The following VANGL1 variants were observed in gnomAD, a reference collection of about 807,000 sequenced individuals.
VANGL1 encodes the protein VANGL planar cell polarity protein 1.
Under a neutral mutation model 48.4 loss-of-function variants are expected in VANGL1, and 18 were observed. That is an observed-to-expected ratio of 0.37 (90% CI 0.26 to 0.55). VANGL1 has a LOEUF of 0.55. Ranked by LOEUF, VANGL1 falls within the 20% of genes least tolerant of loss-of-function variation. VANGL1 has a pLI of 0.81. For synonymous variants in VANGL1, 257 were observed against 261.8 expected, an observed-to-expected ratio of 0.98 and a Z score of 0.18; for missense variants, 667 against 675.8, an observed-to-expected ratio of 0.99 and a Z score of 0.14.
At chr1:115,669,127 G>C (rs988384622) in intron 4 of VANGL1, among the ~76,000 whole-genome samples, 1 of 152,110 alleles carries the variant, frequency 6.6e-6, no homozygotes, top group Admixed American at 6.6e-5. Context: ...ATTTTGAGGG[G>C]AAAAAGTGCT....
rs757177169 is a variant in VANGL1 at position 115,664,023 on chromosome 1, G to A, written c.567G>A (p.Leu189=). 1 of 1,614,170 alleles carries A rather than the reference G, an allele frequency of 6.2e-7. No individual in the cohort carries two copies. The highest frequency in any genetic ancestry group is 1.1e-5 in the South Asian group (1 of 91,076). ...MPRVFVFRAL[L]LVLIFLFVVS... ...GGGTGTTTGTGTTTCGTGCCCTTTT[G>A]TTGGTCCTCATCTTTCTCTTTGTGG... Residue 189 remains leucine, a synonymous_variant, in exon 4 of 8, where the codon TTG becomes TTA. Transcript: ENST00000355485.
intron 4 of VANGL1, among the ~76,000 whole-genome samples, chr1:115,665,396 G>A (rs1429121608): frequency 6.6e-6 from 1 of 152,222 alleles, no homozygotes. Context: ...TTAGTTCATT[G>A]CAGCTATTAC....
chr1:115,651,174 G>T lies in VANGL1; in HGVS notation c.-137-103G>T, dbSNP rs1277816743. On this transcript the variant is annotated intron_variant, in intron 1 of 7. Coordinates refer to ENST00000355485, the MANE Select transcript of VANGL1 (RefSeq NM_138959.3). ...CTTCACCCTCACTCGCTTGTTCCATGATAGAGACCCCAGAGAGGAGGTGTG... is the reference window on the plus strand; with the variant it reads ...CTTCACCCTCACTCGCTTGTTCCATTATAGAGACCCCAGAGAGGAGGTGTG... 1.1e-5 allele frequency: 6 copies of T among 527,216 alleles called. No homozygotes were observed. The African/African-American group carries it at 1.2e-4, about 10-fold the overall frequency. The allele number at this position is 527,216 out of a possible 1,614,324, so 32.7% of individuals were successfully genotyped here.
chr1:115,678,832 G>A lies in VANGL1; in HGVS notation c.813-3532G>A, dbSNP rs146069158. Among the ~76,000 whole-genome samples the A allele has an allele frequency of 1.1e-4, 17 of 152,064 alleles. No homozygotes were observed. In the East Asian group the frequency reaches 1.9e-3, roughly 17 times the overall value. The stretch of plus-strand genomic sequence containing the variant: ...TTAGCTGGGCGTGGTGGCACGTGCT[G>A]TAGTCCCAGCTATTTGGGAGCCTGA... On this transcript the variant is annotated intron_variant, in intron 4 of 7. Coordinates refer to ENST00000355485, the MANE Select transcript of VANGL1 (RefSeq NM_138959.3).
intron 2 of VANGL1, among the ~76,000 whole-genome samples, chr1:115,659,188 T>C (rs1200057114): frequency 3.9e-5 from 6 of 152,118 alleles, no homozygotes; most frequent in African/African-American, 1.2e-4. Context: ...CAGATTTTTT[T>C]GGATATTCTA....
At chr1:115,666,884 C>A (rs1317463565) in intron 4 of VANGL1, among the ~76,000 whole-genome samples, 2 of 152,186 alleles carry the variant, frequency 1.3e-5, no homozygotes, top group Non-Finnish European at 2.9e-5. Context: ...GCAGGCTTGG[C>A]ACCTTTCCTC....
chr1:115,691,489 A>G lies in VANGL1; in HGVS notation c.*110A>G. ...AAAATTCTTCTTCATTGCTGACTGA[A>G]ACTGGCAGATGATTGACCAGTATCC... On this transcript the variant is annotated 3_prime_UTR_variant, in exon 8 of 8. Transcript: ENST00000355485. The G allele has an allele frequency of 8.1e-7, 1 of 1,231,654 alleles. No homozygotes were observed. The highest frequency in any genetic ancestry group is 1.1e-6 in the Non-Finnish European group (1 of 904,354). 76.3% of individuals were successfully genotyped at this position (1,231,654 alleles called of 1,614,324 possible).
In VANGL1 at chr1:115,696,355, A is replaced by G. The variant is rs1654028450; in HGVS notation, c.*4976A>G. On this transcript the variant is annotated 3_prime_UTR_variant, in exon 8 of 8. Coordinates refer to ENST00000355485, the MANE Select transcript of VANGL1 (RefSeq NM_138959.3). ...CTCCTTGACGTAGGTGTTCTCAGCA[A>G]GCAGTTTGCATCCCACCGTCTTTCT... The G allele has an allele frequency of 6.6e-6, 1 of 152,270 alleles. No homozygotes were observed. The highest frequency in any genetic ancestry group is 2.4e-5 in the African/African-American group (1 of 41,468). 9.4% of individuals were successfully genotyped at this position (152,270 alleles called of 1,614,324 possible). A position where few individuals can be genotyped will look rare whatever the true frequency, so the allele number is the denominator to read the frequency against.
At position 115,664,222 on chromosome 1, in the gene VANGL1, C is replaced by T. The variant is rs199932833; in HGVS notation, c.766C>T (p.Arg256Cys). ...GCCCATGTTCACGCTGCAGGTGGTC[C>T]GCTCCACCGATGGCGAGTCCCGCTT... ...LQPMFTLQVV[R>C]STDGESRFYS... Residue 256 changes from arginine (R) to cysteine (C), a missense_variant, in exon 4 of 8, where the codon CGC becomes TGC. Physicochemically the swap from Arg to Cys is radical, Grantham distance 180 (BLOSUM62 -3). Coordinates refer to ENST00000355485, the MANE Select transcript of VANGL1 (RefSeq NM_138959.3). The T allele has an allele frequency of 1.5e-5, 24 of 1,613,914 alleles. No individual in the cohort carries two copies. The highest frequency in any genetic ancestry group is 5.5e-5 in the South Asian group (5 of 91,066).
Position 115,692,862 on chromosome 1 carries a change from C to G in VANGL1, c.*1483C>G, listed in dbSNP as rs886045127. On this transcript the variant is annotated 3_prime_UTR_variant, in exon 8 of 8. Coordinates refer to ENST00000355485, the MANE Select transcript of VANGL1 (RefSeq NM_138959.3). ...TAAAAGTGTTCACTCTTGCTTTTTC[C>G]AGTATTTCGGTAATCAGCCATCTTG... 6.6e-6 allele frequency: 1 copy of G among 152,236 alleles called. No homozygotes were observed. The highest frequency in any genetic ancestry group is 1.5e-5 in the Non-Finnish European group (1 of 68,068). 9.4% of individuals were successfully genotyped at this position (152,236 alleles called of 1,614,324 possible).
rs1055303773 is a variant in VANGL1 at position 115,695,425 on chromosome 1, C to A, written c.*4046C>A. 3.3e-5 allele frequency: 5 copies of A among 152,560 alleles called. No individual in the cohort carries two copies. Among genetic ancestry groups the A allele is most frequent in the East Asian group, 1.9e-4 (1 of 5,198 alleles). The allele number at this position is 152,560 out of a possible 1,614,324, so 9.5% of individuals were successfully genotyped here. Reference sequence around the variant, plus strand: ...CTACTGTGAATTTACTACTATGTAACCTTGTGGTCGTATTTCATTATAAAT... The same window carrying A: ...CTACTGTGAATTTACTACTATGTAAACTTGTGGTCGTATTTCATTATAAAT... On this transcript the variant is annotated 3_prime_UTR_variant, in exon 8 of 8. Transcript: ENST00000355485.
intron 4 of VANGL1, among the ~76,000 whole-genome samples, chr1:115,670,474 A>G (rs764921365): frequency 1.3e-5 from 2 of 152,190 alleles, no homozygotes; most frequent in Non-Finnish European, 2.9e-5. Flanking sequence ...TTAAGTGACA[A>G]AGGGAGAGTC....
In VANGL1 at chr1:115,694,539, G is replaced by C. The variant is rs1397325633; in HGVS notation, c.*3160G>C. 6.6e-6 allele frequency: 1 copy of C among 152,152 alleles called. No individual in the cohort carries two copies. The highest frequency in any genetic ancestry group is 2.1e-4 in the South Asian group (1 of 4,826). The allele number at this position is 152,152 out of a possible 1,614,324, so 9.4% of individuals were successfully genotyped here. A position where few individuals can be genotyped will look rare whatever the true frequency, so the allele number is the denominator to read the frequency against. On this transcript the variant is annotated 3_prime_UTR_variant, in exon 8 of 8. Coordinates refer to ENST00000355485, the MANE Select transcript of VANGL1 (RefSeq NM_138959.3). ...CATTTTGCCTCATAATCACTTTCGA[G>C]TGCATGTATTTACCTAAGGGCTGTA...
At position 115,659,903 on chromosome 1, in the gene VANGL1, C is replaced by T. The variant is rs1652483667; in HGVS notation, c.204+130C>T. 8 of 1,292,850 alleles carry T rather than the reference C, an allele frequency of 6.2e-6. No homozygotes were observed. In the Admixed American group the frequency reaches 9.5e-5, roughly 15 times the overall value. 80.1% of individuals were successfully genotyped at this position (1,292,850 alleles called of 1,614,324 possible). ...CATGCTAATTAGTTTATCTATGTCCCATGGTCTCTTGTTGGTCTAAGGACA... is the reference window on the plus strand; with the variant it reads ...CATGCTAATTAGTTTATCTATGTCCTATGGTCTCTTGTTGGTCTAAGGACA... On this transcript the variant is annotated intron_variant, in intron 3 of 7. Transcript: ENST00000355485.
intron 1 of VANGL1, among the ~76,000 whole-genome samples, chr1:115,645,195 G>GGCCT (rs142144059): frequency 0.044 from 6,749 of 152,200 alleles, 479 homozygotes; most frequent in African/African-American, 0.15. Context: ...GGTAAATAGA[G>GGCCT]GCCTGTAAGA....
intron 1 of VANGL1, among the ~76,000 whole-genome samples, 176 bp downstream of exon 1, chr1:115,642,262 T>G (rs1330073514): frequency 2.0e-5 from 3 of 151,516 alleles, no homozygotes; most frequent in African/African-American, 7.3e-5. Context: ...CTCCCTCCCC[T>G]CCTCCGGAGC....
At position 115,663,695 on chromosome 1, in the gene VANGL1, C is replaced by T. The variant is rs1250868138; in HGVS notation, c.239C>T (p.Thr80Ile). The change falls in exon 4 of 8, where the codon ACA becomes ATA. Residue 80 changes from threonine to isoleucine, a missense_variant. Thr to Ile is a moderately conservative substitution (Grantham distance 89, BLOSUM62 -1). Coordinates refer to ENST00000355485, the MANE Select transcript of VANGL1 (RefSeq NM_138959.3). Reference sequence around the variant, plus strand: ...TGGGGAGAGACCACCACGGCCATCACAGGCACCTCGGAGCACAGCATATCC... The same window carrying T: ...TGGGGAGAGACCACCACGGCCATCATAGGCACCTCGGAGCACAGCATATCC... ...DNWGETTTAITGTSEHSISQE... is the reference protein window; with the variant it reads ...DNWGETTTAIIGTSEHSISQE... The T allele has an allele frequency of 1.9e-6, 3 of 1,614,104 alleles. No homozygotes were observed. The highest frequency in any genetic ancestry group is 2.5e-6 in the Non-Finnish European group (3 of 1,180,050).
At position 115,693,456 on chromosome 1, in the gene VANGL1, T is replaced by C. The variant is rs1227753152; in HGVS notation, c.*2077T>C. 1 of 152,656 alleles carries C rather than the reference T, an allele frequency of 6.6e-6. No individual in the cohort carries two copies. The highest frequency in any genetic ancestry group is 1.5e-5 in the Non-Finnish European group (1 of 68,036). 9.5% of individuals were successfully genotyped at this position (152,656 alleles called of 1,614,324 possible). ...CTTCAATGACCAGTCCAGAAGGGGT[T>C]AAGCTGGATTCATTTGCTCTGGCAT... On this transcript the variant is annotated 3_prime_UTR_variant, in exon 8 of 8. Coordinates refer to ENST00000355485, the MANE Select transcript of VANGL1 (RefSeq NM_138959.3).
At chr1:115,654,351 G>A (rs940218693) in intron 2 of VANGL1, among the ~76,000 whole-genome samples, 3 of 151,808 alleles carry the variant, frequency 2.0e-5, no homozygotes, top group Admixed American at 6.6e-5. Context: ...AGAGGTCAGT[G>A]GCCTGGTTTT....
Sources: gnomAD v4.1 joint callset for allele counts (sites outside exome capture counted in the v4.1 genomes callset) on GRCh38, gnomAD v4.1.1 for gene constraint, MANE v1.5 for transcripts, NCBI Gene and HGNC (gene_info 2026-07-23, HGNC 2026-07-21) for gene names.